The following SLC30A6 variants were observed in gnomAD, a reference collection of about 807,000 sequenced individuals.
SLC30A6 encodes the protein solute carrier family 30 member 6, also known as zinc transporter 6.
SLC30A6 carries 55 observed loss-of-function variants against 63.0 expected under a neutral mutation model. The ratio of observed to expected loss-of-function variants is 0.87; its 90% CI spans 0.70 to 1.09. SLC30A6 has a LOEUF of 1.09. SLC30A6 is among the 50% of genes least tolerant of loss of function. The pLI, the probability that SLC30A6 is intolerant of heterozygous loss-of-function variation, is 0.00. For synonymous variants in SLC30A6, 224 were observed against 186.1 expected (o/e 1.20, Z -1.66); for missense variants, 587 against 549.2 (o/e 1.07, Z -0.69).
chr2:32,194,948 T>TA (rs1212823474), intron 8 of SLC30A6, among the ~76,000 whole-genome samples: 2 of 152,148 alleles, frequency 1.3e-5, no homozygotes, highest in East Asian at 3.8e-4. Flanking sequence ...ATCAGGGAGA[T>TA]ACAAGAAGGA....
chr2:32,184,297 C>T lies in SLC30A6; in HGVS notation c.243C>T (p.Tyr81=). 6.5e-7 allele frequency: 1 copy of T among 1,548,940 alleles called. No individual in the cohort carries two copies. The highest frequency in any genetic ancestry group is 8.7e-7 in the Non-Finnish European group (1 of 1,143,800). The change falls in exon 5 of 14, where the codon TAC becomes TAT. Residue 81 remains tyrosine (Y), a synonymous_variant. Coordinates refer to ENST00000282587, the MANE Select transcript of SLC30A6 (RefSeq NM_017964.5). ...GTTTAATGACATGTTTAATAAGTTA[C>T]TGGGTAACATTGAGGAAACCTAGCC... The part of the protein sequence containing the change: ...LFSLMTCLIS[Y]WVTLRKPSPV...
Position 32,223,201 on chromosome 2 carries a change from A to G in SLC30A6, c.*2488A>G, listed in dbSNP as rs1006297104. The G allele has an allele frequency of 1.3e-5, 2 of 152,284 alleles. No individual in the cohort carries two copies. The highest frequency in any genetic ancestry group is 2.9e-5 in the Non-Finnish European group (2 of 68,058). 9.4% of individuals were successfully genotyped at this position (152,284 alleles called of 1,614,324 possible). A position where few individuals can be genotyped will look rare whatever the true frequency, so the allele number is the denominator to read the frequency against. The stretch of plus-strand genomic sequence containing the variant: ...TAAGGAACTTGCCCAGCATAGGCCT[A>G]TAGGCAGCAGCCTTACTAGTAAATC... On this transcript the variant is annotated 3_prime_UTR_variant, in exon 14 of 14. Transcript: ENST00000282587.
At chr2:32,166,611 G>C (rs1044013398) in intron 1 of SLC30A6, among the ~76,000 whole-genome samples, 2 of 152,326 alleles carry the variant, frequency 1.3e-5, no homozygotes, top group Middle Eastern at 6.8e-3. Context: ...TAAGCAGTTG[G>C]TTGGGATTTG....
intron 2 of SLC30A6, among the ~76,000 whole-genome samples, chr2:32,171,893 C>A (rs768663669): frequency 4.6e-5 from 7 of 152,068 alleles, no homozygotes; most frequent in Admixed American, 2.6e-4. Flanking sequence ...GGGGTTTCAC[C>A]ATGTTGGTCA....
At chr2:32,187,902 C>G (rs990352633) in intron 5 of SLC30A6, among the ~76,000 whole-genome samples, 1 of 152,162 alleles carries the variant, frequency 6.6e-6, no homozygotes, top group African/African-American at 2.4e-5. Context: ...ATTTCTGTCT[C>G]CACTACTGCC....
Position 32,220,542 on chromosome 2 carries a change from A to G in SLC30A6, c.1215A>G (p.Gln405=), listed in dbSNP as rs1446432159. 10 of 1,614,174 alleles carry G rather than the reference A, an allele frequency of 6.2e-6. No homozygotes were observed. Among genetic ancestry groups the G allele is most frequent in the South Asian group, 1.1e-5 (1 of 91,084 alleles). The change falls in exon 14 of 14, where the codon CAA becomes CAG. Residue 405 remains glutamine (Q), a synonymous_variant. Transcript: ENST00000282587. ...ACCCAGTTATTCTTCTAAACACACAAACAAGGCCTTATGGTTTTGGTCTCA... is the reference window on the plus strand; with the variant it reads ...ACCCAGTTATTCTTCTAAACACACAGACAAGGCCTTATGGTTTTGGTCTCA... ...NVNPVILLNT[Q]TRPYGFGLNH...
At chr2:32,216,362 C>G (rs897552850) in intron 13 of SLC30A6, among the ~76,000 whole-genome samples, 1 of 152,042 alleles carries the variant, frequency 6.6e-6, no homozygotes, top group Non-Finnish European at 1.5e-5. Flanking sequence ...ATAGCGAAAT[C>G]CTATCTCTAC....
intron 13 of SLC30A6, among the ~76,000 whole-genome samples, chr2:32,213,450 A>G (rs943665231): frequency 1.2e-4 from 18 of 151,706 alleles, no homozygotes; most frequent in African/African-American, 4.1e-4. Context: ...TGCTTTTCTC[A>G]TATTGGCTGT....
chr2:32,220,342 C>A lies in SLC30A6; in HGVS notation c.1015C>A (p.Pro339Thr), dbSNP rs867776678. The A allele has an allele frequency of 6.2e-7, 1 of 1,614,044 alleles. No homozygotes were observed. Among genetic ancestry groups the A allele is most frequent in the Non-Finnish European group, 8.5e-7 (1 of 1,180,030 alleles). ...VQIFKDDWIRPALLSGPVAAN... is the reference protein window; with the variant it reads ...VQIFKDDWIRTALLSGPVAAN... ...AATTTTCAAGGATGACTGGATTAGG[C>A]CTGCCTTATTGTCTGGGCCTGTTGC... Residue 339 changes from proline to threonine, a missense_variant, in exon 14 of 14, where the codon CCT becomes ACT. Pro to Thr is a conservative substitution (Grantham distance 38). Coordinates refer to ENST00000282587, the MANE Select transcript of SLC30A6 (RefSeq NM_017964.5).
At chr2:32,217,055 A>ATT (rs796311676) in intron 13 of SLC30A6, among the ~76,000 whole-genome samples, 5 of 144,286 alleles carry the variant, frequency 3.5e-5, no homozygotes, top group Admixed American at 6.9e-5. Flanking sequence ...CGCCCGGCAA[A>ATT]TTTTTTTTTT....
intron 10 of SLC30A6, chr2:32,203,711 C>T: frequency 6.5e-7 from 1 of 1,532,038 alleles, no homozygotes; most frequent in Non-Finnish European, 9.0e-7. Flanking sequence ...GATGTTCCTA[C>T]AACTAAGTCA....
At chr2:32,219,154 C>T (rs1311272701) in intron 13 of SLC30A6, among the ~76,000 whole-genome samples, 1 of 151,932 alleles carries the variant, frequency 6.6e-6, no homozygotes, top group South Asian at 2.1e-4. Flanking sequence ...CTGCCTCAGC[C>T]CCCTGAGTAG....
Position 32,204,660 on chromosome 2 carries a change from A to G in SLC30A6, c.736A>G (p.Met246Val), listed in dbSNP as rs767660925. The G allele has an allele frequency of 1.9e-6, 3 of 1,612,884 alleles. No homozygotes were observed. Among genetic ancestry groups the G allele is most frequent in the Admixed American group, 3.3e-5 (2 of 59,976 alleles). Residue 246 changes from methionine to valine, a missense_variant, in exon 11 of 14, where the codon ATG becomes GTG. Physicochemically the swap from Met to Val is conservative, Grantham distance 21. Transcript: ENST00000282587. ...ALMTFGTMYP[M>V]SVYSGKVLLQ... is the part of the protein sequence containing the mutation. ...GATGACATTTGGCACTATGTATCCC[A>G]TGAGTGTGTACAGTGGGAAAGTCTT... is the stretch of plus-strand genomic sequence containing the variant.
intron 4 of SLC30A6, among the ~76,000 whole-genome samples, chr2:32,176,570 A>G (rs1320264163): frequency 6.6e-6 from 1 of 150,902 alleles, no homozygotes; most frequent in African/African-American, 2.4e-5. Context: ...AGGCAGGACA[A>G]TTGCTTGAAC....
At position 32,222,424 on chromosome 2, in the gene SLC30A6, G is replaced by T. The variant is rs1337837737; in HGVS notation, c.*1711G>T. On this transcript the variant is annotated 3_prime_UTR_variant, in exon 14 of 14. Transcript: ENST00000282587. Reference sequence around the variant, plus strand: ...TTTTTCTTTTGCAACAGTTTCTTCAGTCAACTCATTCACTTTCAAATAGGA... The same window carrying T: ...TTTTTCTTTTGCAACAGTTTCTTCATTCAACTCATTCACTTTCAAATAGGA... The T allele has an allele frequency of 6.6e-6, 1 of 152,110 alleles. No homozygotes were observed. The highest frequency in any genetic ancestry group is 6.6e-5 in the Admixed American group (1 of 15,258). 9.4% of individuals were successfully genotyped at this position (152,110 alleles called of 1,614,324 possible).
intron 5 of SLC30A6, among the ~76,000 whole-genome samples, chr2:32,187,531 A>G (rs1194876241): frequency 2.6e-5 from 4 of 152,154 alleles, no homozygotes; most frequent in Non-Finnish European, 4.4e-5. Context: ...AATAAAGTTA[A>G]ACACTCAAAT....
intron 12 of SLC30A6, among the ~76,000 whole-genome samples, chr2:32,208,918 G>A (rs1685017127): frequency 6.6e-6 from 1 of 152,188 alleles, no homozygotes; most frequent in African/African-American, 2.4e-5. Context: ...TTGATTGTCA[G>A]TGTGACAGAG....
At chr2:32,215,182 TTTTA>T (rs1474887671) in intron 13 of SLC30A6, among the ~76,000 whole-genome samples, 22 of 152,240 alleles carry the variant, frequency 1.4e-4, no homozygotes, top group African/African-American at 4.8e-4. Context: ...CTGCTGGACA[TTTTA>T]TTTAATTTTA....
At chr2:32,197,270 TAAAG>T (rs1018460854) in intron 8 of SLC30A6, 70 bp from the exon 9 acceptor site, 69 of 1,344,816 alleles carry the variant, frequency 5.1e-5, no homozygotes, top group South Asian at 1.2e-4. Context: ...TTTTTAAAAT[TAAAG>T]AACTCAAATA....
Sources: gnomAD v4.1 joint callset for allele counts (sites outside exome capture counted in the v4.1 genomes callset) on GRCh38, gnomAD v4.1.1 for gene constraint, MANE v1.5 for transcripts, NCBI Gene and HGNC (gene_info 2026-07-23, HGNC 2026-07-21) for gene names.